The following ADGRV1 variants were observed in gnomAD, a reference collection of about 807,000 sequenced individuals.
ADGRV1 encodes the protein adhesion G protein-coupled receptor V1, also known as G-protein coupled receptor 98.
ADGRV1 carries 359 observed loss-of-function variants against 596.2 expected under a neutral mutation model. The ratio of observed to expected loss-of-function variants is 0.60; its 90% CI spans 0.55 to 0.66. ADGRV1 has a LOEUF of 0.66. ADGRV1 is among the 30% of genes least tolerant of loss of function. ADGRV1 has a pLI of 0.00. For synonymous variants in ADGRV1, 2,681 were observed against 2,679.2 expected (o/e 1.00, Z -0.02); for missense variants, 7,274 against 7,575.6 (o/e 0.96, Z 1.48).
At chr5:90,773,102 G>A (rs978161580) in intron 59 of ADGRV1, among the ~76,000 whole-genome samples, 9 of 151,828 alleles carry the variant, frequency 5.9e-5, no homozygotes, top group African/African-American at 1.9e-4. Context: ...CTGGGAGGCA[G>A]AGGTTGCAGT....
chr5:91,061,619 A>C (rs1562162344), intron 85 of ADGRV1, among the ~76,000 whole-genome samples: 1 of 152,230 alleles, frequency 6.6e-6, no homozygotes, highest in East Asian at 1.9e-4. Context: ...GAATTAGATG[A>C]AATAATATTG....
intron 87 of ADGRV1, among the ~76,000 whole-genome samples, chr5:91,114,867 G>T (rs1792713747): frequency 6.6e-6 from 1 of 152,056 alleles, no homozygotes; most frequent in Non-Finnish European, 1.5e-5. Context: ...TTTTTCTTTG[G>T]AATCGTGGCC....
Position 90,627,310 on chromosome 5 carries a change from A to G in ADGRV1, c.772A>G (p.Lys258Glu). ...GAATTCCATTGAGATCATCATTAAG[A>G]AAAATGATAGTCCCGTGAGATTCCT... is the stretch of plus-strand genomic sequence containing the variant. ...SRNSIEIIIK[K>E]NDSPVRFLQS... Residue 258 changes from lysine to glutamate, a missense_variant, in exon 7 of 90, where the codon AAA (lysine) becomes GAA (glutamate). By Grantham distance (56) the Lys-to-Glu change is moderately conservative. Transcript: ENST00000405460. The G allele has an allele frequency of 6.2e-7, 1 of 1,612,214 alleles. No individual in the cohort carries two copies. The highest frequency in any genetic ancestry group is 8.5e-7 in the Non-Finnish European group (1 of 1,178,378).
chr5:90,915,517 G>A (rs187690023), intron 83 of ADGRV1, among the ~76,000 whole-genome samples: 93 of 152,220 alleles, frequency 6.1e-4, no homozygotes, highest in African/African-American at 2.1e-3. Context: ...TTGTTTTTCC[G>A]TTGTGACTGA....
At chr5:90,994,764 T>C (rs1781274994) in intron 85 of ADGRV1, among the ~76,000 whole-genome samples, 1 of 152,240 alleles carries the variant, frequency 6.6e-6, no homozygotes, top group Non-Finnish European at 1.5e-5. Context: ...TTTAATTTCG[T>C]ATATCTATAT....
Position 90,653,714 on chromosome 5 carries a change from C to T in ADGRV1, c.4140C>T (p.Ser1380=), listed in dbSNP as rs1205273677. 6.2e-7 allele frequency: 1 copy of T among 1,612,942 alleles called. No individual in the cohort carries two copies. Among genetic ancestry groups the T allele is most frequent in the Non-Finnish European group, 8.5e-7 (1 of 1,179,522 alleles). Residue 1380 remains serine (S), a synonymous_variant, in exon 20 of 90, where the codon AGC becomes AGT. Coordinates refer to ENST00000405460, the MANE Select transcript of ADGRV1 (RefSeq NM_032119.4). ...TAGCGAAGGATGACGGTAATGGAAGCATCTACTACGGGGTAAAAATACAAA... is the reference window on the plus strand; with the variant it reads ...TAGCGAAGGATGACGGTAATGGAAGTATCTACTACGGGGTAAAAATACAAA... ...FIIAKDDGNG[S]IYYGVKIQTN...
chr5:90,683,853 A>T lies in ADGRV1; in HGVS notation c.5932A>T (p.Ile1978Leu). ...TVLASDDPYG[I>L]FIFSEKNRPV... ...TTTGGCTAGTGATGATCCATATGGG[A>T]TATTCATTTTTTCTGAGAAAAACAG... The change falls in exon 28 of 90, where the codon ATA becomes TTA. Residue 1978 changes from isoleucine (I) to leucine (L), a missense_variant. Coordinates refer to ENST00000405460, the MANE Select transcript of ADGRV1 (RefSeq NM_032119.4). 6.2e-7 allele frequency: 1 copy of T among 1,613,638 alleles called. No homozygotes were observed. Among genetic ancestry groups the T allele is most frequent in the South Asian group, 1.1e-5 (1 of 91,024 alleles).
chr5:91,026,505 A>T (rs1214369931), intron 85 of ADGRV1, among the ~76,000 whole-genome samples: 1 of 152,134 alleles, frequency 6.6e-6, no homozygotes, highest in Admixed American at 6.6e-5. Flanking sequence ...TCTATTCTTG[A>T]TATTGAATTA....
In ADGRV1 at chr5:90,735,214, A is replaced by G. The variant is rs186697074; in HGVS notation, c.10549+5450A>G. Among the ~76,000 whole-genome samples, 241 of 152,324 alleles carry G rather than the reference A, an allele frequency of 1.6e-3. 1 individual carries two copies. The highest frequency in any genetic ancestry group is 5.6e-3 in the African/African-American group (231 of 41,580). On this transcript the variant is annotated intron_variant, in intron 50 of 89. Coordinates refer to ENST00000405460, the MANE Select transcript of ADGRV1 (RefSeq NM_032119.4). ...TATTTGGTATGAAATAATGGATCTA[A>G]TTTCATTCTTCCACATGTGGATATC...
At chr5:90,841,556 AC>A in intron 78 of ADGRV1, among the ~76,000 whole-genome samples, 1 of 152,230 alleles carries the variant, frequency 6.6e-6, no homozygotes, top group East Asian at 1.9e-4. Context: ...TTTACTTACA[AC>A]TCTGCAAATG....
intron 10 of ADGRV1, among the ~76,000 whole-genome samples, chr5:90,637,225 G>T (rs1177949959): frequency 6.6e-6 from 1 of 151,960 alleles, no homozygotes; most frequent in Non-Finnish European, 1.5e-5. Context: ...TATTTCTGTG[G>T]TATTTATCCT....
At chr5:90,668,743 T>G (rs574252174) in intron 21 of ADGRV1, among the ~76,000 whole-genome samples, 27 of 152,208 alleles carry the variant, frequency 1.8e-4, no homozygotes, top group African/African-American at 4.6e-4. Flanking sequence ...AAAGTGTTGA[T>G]ATATAGCGTG....
chr5:90,859,644 A>G (rs1311226024), intron 82 of ADGRV1, among the ~76,000 whole-genome samples: 1 of 152,030 alleles, frequency 6.6e-6, no homozygotes, highest in Non-Finnish European at 1.5e-5. Context: ...TTCACTTAGG[A>G]TAGTTTAACA....
chr5:91,143,003 C>T (rs141154391), intron 87 of ADGRV1, among the ~76,000 whole-genome samples: 3 of 152,094 alleles, frequency 2.0e-5, no homozygotes, highest in South Asian at 2.1e-4. Context: ...AGTGGAGTGG[C>T]GAGGGGTGTG....
intron 75 of ADGRV1, among the ~76,000 whole-genome samples, chr5:90,817,005 T>A (rs1168018708): frequency 6.6e-6 from 1 of 152,138 alleles, no homozygotes; most frequent in Admixed American, 6.6e-5. Context: ...CCACAATGGT[T>A]GAACTAGTTT....
At chr5:91,005,669 C>T (rs75802001) in intron 85 of ADGRV1, among the ~76,000 whole-genome samples, 2,436 of 152,222 alleles carry the variant, frequency 0.016, 77 homozygotes, top group African/African-American at 0.056. Context: ...TCATCTTTGG[C>T]AGCACTCTCT....
chr5:91,005,663 CT>C (rs766718686), intron 85 of ADGRV1, among the ~76,000 whole-genome samples: 1 of 152,158 alleles, frequency 6.6e-6, no homozygotes, highest in East Asian at 1.9e-4. Context: ...TTGGAGTCAT[CT>C]TTGGCAGCAC....
chr5:90,965,575 G>GA, intron 84 of ADGRV1, 44 bp downstream of exon 84: 1 of 1,133,264 alleles, frequency 8.8e-7, no homozygotes, highest in Non-Finnish European at 1.3e-6. Context: ...ATCTTTTAAT[G>GA]AATCTGGGTG....
At chr5:91,001,921 A>G (rs980154598) in intron 85 of ADGRV1, among the ~76,000 whole-genome samples, 1 of 151,826 alleles carries the variant, frequency 6.6e-6, no homozygotes, top group Non-Finnish European at 1.5e-5. Context: ...AGCTGTGTTT[A>G]TTTCCTATGA....
Sources: allele counts gnomAD v4.1 joint callset (sites outside exome capture counted in the v4.1 genomes callset), GRCh38; gene constraint gnomAD v4.1.1; transcripts MANE v1.5; gene names NCBI Gene and HGNC (gene_info 2026-07-23, HGNC 2026-07-21).